RGSL1: variants seen among roughly 807,000 people sequenced by gnomAD.
RGSL1 encodes regulator of G protein signaling protein-like.
Under a neutral mutation model 124.7 loss-of-function variants are expected in RGSL1, and 97 were observed. The observed-to-expected ratio is 0.78, with a 90% CI of 0.66 to 0.92. RGSL1 has a LOEUF of 0.92. Ranked by LOEUF, RGSL1 falls within the 40% of genes least tolerant of loss-of-function variation. RGSL1 has a pLI of 0.00. For missense variants in RGSL1, 1,233 were observed against 1,288.4 expected (o/e 0.96, Z 0.66); for synonymous variants, 424 against 438.1 (o/e 0.97, Z 0.40).
At chr1:182,548,640 A>G in intron 16 of RGSL1, 60 bp from the exon 17 acceptor site, 3 of 1,543,192 alleles carry the variant, frequency 1.9e-6, no homozygotes, top group Middle Eastern at 1.7e-4. Context: ...GGGGGCCAGG[A>G]GAGGTTTTCT....
intron 2 of RGSL1, among the ~76,000 whole-genome samples, chr1:182,455,338 T>C (rs1170472306): frequency 6.6e-6 from 1 of 151,996 alleles, no homozygotes; most frequent in East Asian, 1.9e-4. Flanking sequence ...CCCCAGCAAT[T>C]TGGGAGGCCA....
At chr1:182,551,476 C>T (rs1408818461) in intron 18 of RGSL1, among the ~76,000 whole-genome samples, 2 of 152,204 alleles carry the variant, frequency 1.3e-5, no homozygotes, top group Non-Finnish European at 2.9e-5. Context: ...GCTGAGGGTA[C>T]ATGGAGAGGA....
chr1:182,486,008 T>A (rs1655068649), intron 6 of RGSL1, among the ~76,000 whole-genome samples: 1 of 152,172 alleles, frequency 6.6e-6, no homozygotes, highest in Non-Finnish European at 1.5e-5. Context: ...ATTTACCATC[T>A]GGCACTTCAT....
chr1:182,490,155 C>A (rs1360506048), intron 8 of RGSL1, among the ~76,000 whole-genome samples: 1 of 152,082 alleles, frequency 6.6e-6, no homozygotes, highest in Non-Finnish European at 1.5e-5. Context: ...AACAATGTCA[C>A]CATTTATTTT....
intron 11 of RGSL1, 62 bp downstream of exon 11, chr1:182,527,834 G>A: frequency 1.4e-6 from 2 of 1,385,252 alleles, no homozygotes; most frequent in African/African-American, 2.9e-5. Flanking sequence ...GAATAGCCTG[G>A]GAAATAGCCT....
chr1:182,490,728 A>G lies in RGSL1; in HGVS notation c.1717+1526A>G, dbSNP rs188911879. Among the ~76,000 whole-genome samples, 38 of 152,206 alleles carry G rather than the reference A, an allele frequency of 2.5e-4. No homozygotes were observed. In the East Asian group the frequency reaches 5.2e-3, roughly 21 times the overall value. On this transcript the variant is annotated intron_variant, in intron 8 of 21. Transcript: ENST00000294854. ...CCAGTAAGAATGTGAACCACCCTCC[A>G]TGGAAGCTCCTTGTCCCTCTCCAAA... is the stretch of plus-strand genomic sequence containing the variant.
rs1219696801 is a variant in RGSL1, at chr1:182,474,190, C to T, written c.1079C>T (p.Ala360Val). 14 of 1,551,948 alleles carry T rather than the reference C, an allele frequency of 9.0e-6. No homozygotes were observed. The highest frequency in any genetic ancestry group is 1.2e-5 in the Non-Finnish European group (14 of 1,147,070). The change falls in exon 6 of 22, where the codon GCC becomes GTC. Residue 360 changes from alanine (A) to valine (V), a missense_variant. Physicochemically the swap from Ala to Val is moderately conservative, Grantham distance 64 (BLOSUM62 0). Coordinates refer to ENST00000294854, the MANE Select transcript of RGSL1 (RefSeq NM_001137669.2). The part of the protein sequence containing the change: ...NHSSKMTIQK[A>V]IKQSFSLGYI... ...TCCTCCAAGATGACAATTCAGAAGG[C>T]CATCAAGCAAAGCTTCTCCTTAGGA...
At chr1:182,538,040 G>A (rs1659657600) in intron 14 of RGSL1, among the ~76,000 whole-genome samples, 1 of 152,180 alleles carries the variant, frequency 6.6e-6, no homozygotes, top group African/African-American at 2.4e-5. Flanking sequence ...CTACCTCAAG[G>A]TGGTAAAGTG....
Position 182,460,089 on chromosome 1 carries a change from T to A in RGSL1, c.257T>A (p.Ile86Asn), listed in dbSNP as rs963180740. 4.5e-6 allele frequency: 7 copies of A among 1,551,566 alleles called. No homozygotes were observed. In the Admixed American group the frequency reaches 5.9e-5, roughly 13 times the overall value. ...AAAACAAACTTGTGTTTCCATTACA[T>A]TCTCTGTCAGGAGTTCATCAGTTTC... ...FCKTNLCFHY[I>N]LCQEFISFIK... The change falls in exon 4 of 22, where the codon ATT becomes AAT. Residue 86 changes from isoleucine (I) to asparagine (N), a missense_variant. Ile to Asn is a moderately radical substitution (Grantham distance 149). Transcript: ENST00000294854.
chr1:182,459,173 G>A (rs1009640828), intron 3 of RGSL1, among the ~76,000 whole-genome samples: 1 of 152,214 alleles, frequency 6.6e-6, no homozygotes, highest in African/African-American at 2.4e-5. Context: ...AAGATAAGAT[G>A]CTTCTCTGCA....
chr1:182,535,551 T>A (rs1259814886), intron 14 of RGSL1, among the ~76,000 whole-genome samples: 1 of 152,166 alleles, frequency 6.6e-6, no homozygotes, highest in East Asian at 1.9e-4. Flanking sequence ...ATTCATCCAT[T>A]TTTGCTTATT....
chr1:182,484,923 C>T (rs1236016888), intron 6 of RGSL1, among the ~76,000 whole-genome samples: 2 of 152,160 alleles, frequency 1.3e-5, no homozygotes, highest in South Asian at 2.1e-4. Context: ...TGAAGGGAAG[C>T]TGTGGCTGCT....
intron 13 of RGSL1, among the ~76,000 whole-genome samples, chr1:182,531,642 T>C (rs568831915): frequency 6.6e-6 from 1 of 152,276 alleles, no homozygotes; most frequent in East Asian, 1.9e-4. Flanking sequence ...TTCTCCTCTG[T>C]ATTTCCTCCA....
intron 3 of RGSL1, 82 bp downstream of exon 3, chr1:182,458,475 T>G (rs1050780897): frequency 7.9e-7 from 1 of 1,259,376 alleles, no homozygotes; most frequent in African/African-American, 1.5e-5. Context: ...AATTTGTTTT[T>G]GTTTTTGTTT....
intron 6 of RGSL1, among the ~76,000 whole-genome samples, chr1:182,484,321 A>G (rs1654928160): frequency 1.3e-5 from 2 of 151,984 alleles, no homozygotes; most frequent in African/African-American, 4.8e-5. Flanking sequence ...TGACTATTCC[A>G]GGTAGCCCAG....
intron 9 of RGSL1, among the ~76,000 whole-genome samples, chr1:182,498,557 T>G: frequency 6.6e-6 from 1 of 152,236 alleles, no homozygotes; most frequent in Middle Eastern, 3.2e-3. Context: ...AAGAATTTCT[T>G]GATTTCTGCC....
chr1:182,453,911 C>A, intron 1 of RGSL1, 47 bp from the exon 2 acceptor site: 1 of 1,005,890 alleles, frequency 9.9e-7, no homozygotes, highest in Non-Finnish European at 1.5e-6. Context: ...AACCTGAATG[C>A]AATTCTGGTT....
At chr1:182,503,529 A>G (rs1484719648) in intron 9 of RGSL1, among the ~76,000 whole-genome samples, 2 of 135,978 alleles carry the variant, frequency 1.5e-5, no homozygotes, top group Admixed American at 8.2e-5. Context: ...AATCAAAACA[A>G]TTGAACCCAT....
chr1:182,526,950 T>C (rs2102255306), intron 10 of RGSL1, among the ~76,000 whole-genome samples: 1 of 152,112 alleles, frequency 6.6e-6, no homozygotes, highest in African/African-American at 2.4e-5. Flanking sequence ...TGTAAAGAGG[T>C]TTAACTAATA....
Sources: gnomAD v4.1 joint callset for allele counts (sites outside exome capture counted in the v4.1 genomes callset) on GRCh38, gnomAD v4.1.1 for gene constraint, MANE v1.5 for transcripts, NCBI Gene and HGNC (gene_info 2026-07-23, HGNC 2026-07-21) for gene names.